Variants in GPATCH2 observed in about 807,000 individuals in gnomAD.
GPATCH2 encodes the protein G-patch domain containing 2, also known as G patch domain-containing protein 2.
Under a neutral mutation model 58.0 loss-of-function variants are expected in GPATCH2, and 51 were observed. The observed-to-expected ratio is 0.88, with a 90% CI of 0.70 to 1.11. GPATCH2 has a LOEUF of 1.11. Ranked by LOEUF, GPATCH2 falls within the 50% of genes most tolerant of loss-of-function variation. The probability of loss-of-function intolerance (pLI) is 0.00; values close to 1 mark genes in which losing one functional copy is unlikely to be tolerated. For synonymous variants in GPATCH2, 222 were observed against 218.5 expected (o/e 1.02, Z -0.14); for missense variants, 625 against 652.2 (o/e 0.96, Z 0.45).
intron 5 of GPATCH2, chr1:217,609,618 A>ACCTACTACT: frequency 1.0e-6 from 1 of 980,258 alleles, no homozygotes; most frequent in Non-Finnish European, 1.2e-6. Flanking sequence ...TATCAACCTT[A>ACCTACTACT]CCTACTACTC....
intron 5 of GPATCH2, among the ~76,000 whole-genome samples, chr1:217,565,786 T>C (rs1029517090): frequency 1.3e-5 from 2 of 152,086 alleles, no homozygotes; most frequent in African/African-American, 4.8e-5. Flanking sequence ...TTCTGTGCGA[T>C]CCAACCTAAT....
At chr1:217,573,641 A>C (rs1666669357) in intron 5 of GPATCH2, among the ~76,000 whole-genome samples, 1 of 152,222 alleles carries the variant, frequency 6.6e-6, no homozygotes, top group Non-Finnish European at 1.5e-5. Context: ...AAAAAGACAG[A>C]GCTGACAAGC....
Position 217,428,280 on chromosome 1 carries a change from A to C in GPATCH2, c.*2865T>G, listed in dbSNP as rs890258153. ...ACCAATTAATTTGCTATAAGGCTAC[A>C]GATACTGTAGAAGAGTGGCTTCACA... On this transcript the variant is annotated 3_prime_UTR_variant, in exon 10 of 10. Coordinates refer to ENST00000366935, the MANE Select transcript of GPATCH2 (RefSeq NM_018040.5). The C allele has an allele frequency of 6.6e-6, 1 of 152,224 alleles. No homozygotes were observed. Among genetic ancestry groups the C allele is most frequent in the East Asian group, 1.9e-4 (1 of 5,200 alleles). 9.4% of individuals were successfully genotyped at this position (152,224 alleles called of 1,614,324 possible).
In GPATCH2 at chr1:217,431,143, T is replaced by TCCG; in HGVS notation, c.*1_*2insCGG. ...CTGTAAAACATTTCTTCTTTGCTTT[T>TCCG]CTTAGGCGGATTTTCCTGCATTGGG... On this transcript the variant is annotated 3_prime_UTR_variant, in exon 10 of 10. Transcript: ENST00000366935. The TCCG allele has an allele frequency of 7.3e-7, 1 of 1,366,980 alleles. No individual in the cohort carries two copies. Among genetic ancestry groups the TCCG allele is most frequent in the Non-Finnish European group, 1.0e-6 (1 of 954,148 alleles). The allele number at this position is 1,366,980 out of a possible 1,614,324, so 84.7% of individuals were successfully genotyped here. A position where few individuals can be genotyped will look rare whatever the true frequency, so the allele number is the denominator to read the frequency against.
At chr1:217,454,280 A>T (rs1659814672) in intron 8 of GPATCH2, among the ~76,000 whole-genome samples, 1 of 152,126 alleles carries the variant, frequency 6.6e-6, no homozygotes, top group Non-Finnish European at 1.5e-5. Flanking sequence ...TAACGACTAG[A>T]ATGATTGAAT....
intron 8 of GPATCH2, among the ~76,000 whole-genome samples, chr1:217,489,128 G>C (rs1661596954): frequency 1.3e-5 from 2 of 150,218 alleles, no homozygotes; most frequent in African/African-American, 4.9e-5. Flanking sequence ...AGAGATGGAG[G>C]GTATCACTAT....
chr1:217,500,901 G>C (rs888862000), intron 6 of GPATCH2, among the ~76,000 whole-genome samples: 2 of 151,890 alleles, frequency 1.3e-5, no homozygotes, highest in East Asian at 1.9e-4. Context: ...TTTATTTTGA[G>C]ATAATTGTAG....
At chr1:217,536,701 G>A (rs942409390) in intron 5 of GPATCH2, among the ~76,000 whole-genome samples, 6 of 152,146 alleles carry the variant, frequency 3.9e-5, no homozygotes, top group Non-Finnish European at 7.3e-5. Context: ...ATGGCCAGGC[G>A]CGGTGGCTCA....
At chr1:217,447,922 A>G (rs1571715457) in intron 9 of GPATCH2, among the ~76,000 whole-genome samples, 1 of 152,078 alleles carries the variant, frequency 6.6e-6, no homozygotes, top group Middle Eastern at 3.4e-3. Flanking sequence ...ACATGGTGAA[A>G]CCCCATCTCT....
At chr1:217,441,968 T>C (rs1659165963) in intron 9 of GPATCH2, among the ~76,000 whole-genome samples, 1 of 152,136 alleles carries the variant, frequency 6.6e-6, no homozygotes, top group Non-Finnish European at 1.5e-5. Context: ...GAAATACCAT[T>C]TGACCCAGCA....
chr1:217,583,201 G>A (rs1158432300), intron 5 of GPATCH2, among the ~76,000 whole-genome samples: 1 of 152,054 alleles, frequency 6.6e-6, no homozygotes, highest in Non-Finnish European at 1.5e-5. Flanking sequence ...AAAAAACAAT[G>A]AAATGAAAAC....
intron 9 of GPATCH2, among the ~76,000 whole-genome samples, chr1:217,435,504 A>G (rs1658781770): frequency 6.6e-6 from 1 of 152,222 alleles, no homozygotes; most frequent in South Asian, 2.1e-4. Flanking sequence ...TTGGATAAAC[A>G]GCCAATGGAA....
intron 7 of GPATCH2, among the ~76,000 whole-genome samples, chr1:217,496,274 C>A (rs1227064224): frequency 6.6e-6 from 1 of 152,150 alleles, no homozygotes; most frequent in Non-Finnish European, 1.5e-5. Context: ...CCAATACTTC[C>A]CCTGCTTTTG....
intron 5 of GPATCH2, among the ~76,000 whole-genome samples, chr1:217,528,941 C>G (rs756514948): frequency 2.0e-4 from 30 of 152,208 alleles, no homozygotes; most frequent in Non-Finnish European, 3.7e-4. Flanking sequence ...AATAATACCC[C>G]CAAAGGCCAA....
chr1:217,544,276 C>G (rs1664913057), intron 5 of GPATCH2, among the ~76,000 whole-genome samples: 1 of 152,186 alleles, frequency 6.6e-6, no homozygotes, highest in Non-Finnish European at 1.5e-5. Context: ...AGCCTCTAAT[C>G]CCAGCTGTTG....
intron 7 of GPATCH2, among the ~76,000 whole-genome samples, chr1:217,493,584 G>A (rs1195518398): frequency 1.3e-5 from 2 of 152,074 alleles, no homozygotes; most frequent in East Asian, 1.9e-4. Context: ...TGTAGCTGAA[G>A]CCATATCTCA....
intron 6 of GPATCH2, 69 bp from the exon 7 acceptor site, chr1:217,498,464 C>A (rs551969197): frequency 1.7e-6 from 2 of 1,145,252 alleles, no homozygotes; most frequent in Admixed American, 3.4e-5. Context: ...ATGATCGAGC[C>A]GCATGTGCTT....
chr1:217,546,263 A>G (rs185152027), intron 5 of GPATCH2, among the ~76,000 whole-genome samples: 1 of 152,154 alleles, frequency 6.6e-6, no homozygotes, highest in Non-Finnish European at 1.5e-5. Context: ...TTAAACTACC[A>G]TTGAGATTCT....
At chr1:217,548,916 T>G (rs1345474082) in intron 5 of GPATCH2, among the ~76,000 whole-genome samples, 1 of 152,158 alleles carries the variant, frequency 6.6e-6, no homozygotes, top group African/African-American at 2.4e-5. Context: ...ATACCCAGTC[T>G]CGGGTATTTC....
Sources: allele counts gnomAD v4.1 joint callset (sites outside exome capture counted in the v4.1 genomes callset), GRCh38; gene constraint gnomAD v4.1.1; transcripts MANE v1.5; gene names NCBI Gene and HGNC (gene_info 2026-07-23, HGNC 2026-07-21).